NIPBL: variants seen among roughly 807,000 people sequenced by gnomAD.
NIPBL encodes the protein nipped-B-like protein.
Under a neutral mutation model 321.8 loss-of-function variants are expected in NIPBL, and 19 were observed. The ratio of observed to expected loss-of-function variants is 0.06; its 90% CI spans 0.04 to 0.09. The LOEUF is 0.09. NIPBL is among the 10% of genes least tolerant of loss of function. NIPBL has a pLI of 1.00. For synonymous variants in NIPBL, 1,106 were observed against 1,114.1 expected (o/e 0.99, Z 0.14); for missense variants, 2,210 against 3,327.0 (o/e 0.66, Z 8.26).
chr5:36,904,911 A>G (rs561733090), intron 1 of NIPBL, among the ~76,000 whole-genome samples: 3 of 152,310 alleles, frequency 2.0e-5, no homozygotes, highest in East Asian at 3.9e-4. Flanking sequence ...GCCATATTCT[A>G]TATTTGTTAG....
At chr5:36,931,971 A>G (rs1265717659) in intron 1 of NIPBL, among the ~76,000 whole-genome samples, 1 of 152,098 alleles carries the variant, frequency 6.6e-6, no homozygotes, top group African/African-American at 2.4e-5. Flanking sequence ...GCTGTATCCC[A>G]TGAAGTTTAA....
At chr5:37,046,024 G>T in intron 37 of NIPBL, 85 bp from the exon 38 acceptor site, 1 of 750,710 alleles carries the variant, frequency 1.3e-6, no homozygotes, top group Non-Finnish European at 2.4e-6. Context: ...AATTCTCATT[G>T]TTTTAAGGTA....
chr5:36,972,096 A>G, intron 8 of NIPBL, 55 bp downstream of exon 8: 3 of 1,189,186 alleles, frequency 2.5e-6, no homozygotes, highest in Admixed American at 1.8e-5. Context: ...AGTTGAATAA[A>G]GAACTCAGAC....
chr5:36,934,780 A>G (rs937194413), intron 1 of NIPBL, among the ~76,000 whole-genome samples: 1 of 152,184 alleles, frequency 6.6e-6, no homozygotes, highest in African/African-American at 2.4e-5. Context: ...ATGGAAATAA[A>G]TGAATTTTTG....
chr5:37,021,549 C>T (rs981078829), intron 27 of NIPBL, among the ~76,000 whole-genome samples: 1 of 151,812 alleles, frequency 6.6e-6, no homozygotes, highest in African/African-American at 2.4e-5. Context: ...GCCATGGTGG[C>T]ATGTGCCTGT....
chr5:36,909,171 G>A (rs1288390355), intron 1 of NIPBL, among the ~76,000 whole-genome samples: 1 of 152,146 alleles, frequency 6.6e-6, no homozygotes, highest in East Asian at 1.9e-4. Flanking sequence ...CAACCCTCAG[G>A]AATTGAGTAC....
At chr5:36,958,395 T>C (rs1741222628) in intron 4 of NIPBL, among the ~76,000 whole-genome samples, 164 bp downstream of exon 4, 1 of 152,252 alleles carries the variant, frequency 6.6e-6, no homozygotes, top group South Asian at 2.1e-4. Context: ...TGTAGTTTAA[T>C]ATGTAACTAA....
At chr5:36,924,135 C>T (rs1749168504) in intron 1 of NIPBL, among the ~76,000 whole-genome samples, 1 of 152,130 alleles carries the variant, frequency 6.6e-6, no homozygotes, top group African/African-American at 2.4e-5. Context: ...ATGAATATAG[C>T]TCTTAACTTT....
At chr5:36,894,664 G>A (rs775671652) in intron 1 of NIPBL, among the ~76,000 whole-genome samples, 1 of 151,974 alleles carries the variant, frequency 6.6e-6, no homozygotes, top group African/African-American at 2.4e-5. Flanking sequence ...CTGCGGGGAG[G>A]TGGCATGTCA....
rs547937021 is a variant in NIPBL, at chr5:36,983,233, TG to T, written c.1496-1442del. Among the ~76,000 whole-genome samples, 636 of 152,040 alleles carry T rather than the reference TG, an allele frequency of 4.2e-3. 3 individuals are homozygous for T. Among genetic ancestry groups the T allele is most frequent in the Non-Finnish European group, 7.5e-3 (509 of 67,828 alleles). ...TTATACTTTAGAATTAAAATGGTAG[TG>T]TTTTGCAAATGGAGCATGTGTGGTG... On this transcript the variant is annotated intron_variant, in intron 9 of 46. Coordinates refer to ENST00000282516, the MANE Select transcript of NIPBL (RefSeq NM_133433.4).
rs775433800 is a variant in NIPBL, at chr5:37,065,433, T to C, written c.*541T>C. 2 of 152,856 alleles carry C rather than the reference T, an allele frequency of 1.3e-5. No homozygotes were observed. Among genetic ancestry groups the C allele is most frequent in the African/African-American group, 4.8e-5 (2 of 41,424 alleles). 9.5% of individuals were successfully genotyped at this position (152,856 alleles called of 1,614,324 possible). A position where few individuals can be genotyped will look rare whatever the true frequency, so the allele number is the denominator to read the frequency against. On this transcript the variant is annotated 3_prime_UTR_variant, in exon 47 of 47. Coordinates refer to ENST00000282516, the MANE Select transcript of NIPBL (RefSeq NM_133433.4). Reference sequence around the variant, plus strand: ...ATGTATTAGGTCACCCTGAAAACAATACAAGAAAAGGGATCCCCAGGTAAT... The same window carrying C: ...ATGTATTAGGTCACCCTGAAAACAACACAAGAAAAGGGATCCCCAGGTAAT...
intron 7 of NIPBL, 66 bp from the exon 8 acceptor site, chr5:36,971,879 C>A (rs2149621448): frequency 6.5e-7 from 1 of 1,542,616 alleles, no homozygotes; most frequent in Non-Finnish European, 8.9e-7. Flanking sequence ...CTTATTGGTT[C>A]TCTTTTAAGA....
chr5:37,014,200 A>G (rs1411317756), intron 21 of NIPBL, among the ~76,000 whole-genome samples: 5 of 151,752 alleles, frequency 3.3e-5, no homozygotes, highest in Non-Finnish European at 4.4e-5. Flanking sequence ...GACCGTGGAA[A>G]GAGAGGGAGA....
At chr5:37,045,734 T>C in intron 37 of NIPBL, 137 bp downstream of exon 37, 2 of 925,710 alleles carry the variant, frequency 2.2e-6, no homozygotes, top group Non-Finnish European at 3.4e-6. Flanking sequence ...ACAGTGCTGC[T>C]CAAAACGTGG....
intron 1 of NIPBL, among the ~76,000 whole-genome samples, chr5:36,911,624 G>A (rs1488122015): frequency 2.0e-5 from 3 of 152,046 alleles, no homozygotes; most frequent in East Asian, 1.9e-4. Flanking sequence ...CATGTCTAAC[G>A]CCTCTTGTAT....
Position 36,950,435 on chromosome 5 carries a change from TC to T in NIPBL, c.-79-3181del, listed in dbSNP as rs137962704. Among the ~76,000 whole-genome samples the T allele has an allele frequency of 7.1e-4, 108 of 152,150 alleles. 1 individual carries two copies. Among genetic ancestry groups the T allele is most frequent in the African/African-American group, 2.6e-3 (107 of 41,544 alleles). On this transcript the variant is annotated intron_variant, in intron 1 of 46. Transcript: ENST00000282516. ...AGAGGTGGGCTACTTTCCTCACTCT[TC>T]CATTTTTTCAAATCAGCAACTCTCA...
intron 1 of NIPBL, among the ~76,000 whole-genome samples, chr5:36,897,136 G>T (rs1330105318): frequency 2.6e-5 from 4 of 151,892 alleles, no homozygotes; most frequent in Non-Finnish European, 1.5e-5. Context: ...CCGAGTAGCT[G>T]GGATTACAGG....
At chr5:37,039,391 A>T (rs922036210) in intron 34 of NIPBL, among the ~76,000 whole-genome samples, 2 of 151,740 alleles carry the variant, frequency 1.3e-5, no homozygotes, top group African/African-American at 4.8e-5. Flanking sequence ...TAATATTAAC[A>T]TACACTATGT....
chr5:37,058,824 T>C lies in NIPBL; in HGVS notation c.7411-67T>C, dbSNP rs1754366185. On this transcript the variant is annotated intron_variant, in intron 43 of 46. Coordinates refer to ENST00000282516, the MANE Select transcript of NIPBL (RefSeq NM_133433.4). ...AAGGAAGCTTTTTCAAGCTGTTGAATGGAGCATACTTATATTTACTAGTGG... is the reference window on the plus strand; with the variant it reads ...AAGGAAGCTTTTTCAAGCTGTTGAACGGAGCATACTTATATTTACTAGTGG... 1.5e-5 allele frequency: 21 copies of C among 1,435,636 alleles called. 1 individual carries two copies. The South Asian group carries it at 2.5e-4, about 17-fold the overall frequency. 88.9% of individuals were successfully genotyped at this position (1,435,636 alleles called of 1,614,324 possible).
Sources: allele counts gnomAD v4.1 joint callset (sites outside exome capture counted in the v4.1 genomes callset), GRCh38; gene constraint gnomAD v4.1.1; transcripts MANE v1.5; gene names NCBI Gene and HGNC (gene_info 2026-07-23, HGNC 2026-07-21).